Variants in ZFYVE1 observed in about 807,000 individuals in gnomAD.
ZFYVE1 encodes zinc finger FYVE-type containing 1.
Under a neutral mutation model 74.4 loss-of-function variants are expected in ZFYVE1, and 30 were observed. That is an observed-to-expected ratio of 0.40 (90% CI 0.30 to 0.55). The LOEUF is 0.55. Among genes scored for constraint, ZFYVE1 ranks in the 20% least tolerant of loss-of-function variants. The pLI, the probability that ZFYVE1 is intolerant of heterozygous loss-of-function variation, is 0.42. For missense variants in ZFYVE1, 703 were observed against 1,011.6 expected (o/e 0.69, Z 4.14); for synonymous variants, 335 against 385.1 (o/e 0.87, Z 1.52).
intron 4 of ZFYVE1, among the ~76,000 whole-genome samples, chr14:72,985,826 C>G (rs1267616287): frequency 6.6e-6 from 1 of 151,668 alleles, no homozygotes; most frequent in East Asian, 1.9e-4. Context: ...ACTATGTTGC[C>G]CAGGCTGGTC....
chr14:72,975,767 AAAGGAAGGAGGAAG>A lies in ZFYVE1; in HGVS notation c.1636-60_1636-47del, dbSNP rs1893153972. On this transcript the variant is annotated intron_variant, in intron 8 of 11. Transcript: ENST00000556143. This position sits in a 1 kb window ranked among gnomAD's most constrained non-coding sequence, Gnocchi z 4.1. ...TCCATCATGCTCTGAGAAGGGAGTG[AAAGGAAGGAGGAAG>A]AGGGATGTTTGGTGAGTTGCACACT... The A allele has an allele frequency of 6.3e-7, 1 of 1,599,306 alleles. No homozygotes were observed. Among genetic ancestry groups the A allele is most frequent in the Non-Finnish European group, 8.5e-7 (1 of 1,171,924 alleles).
At chr14:72,996,707 T>A (rs142634725) in intron 3 of ZFYVE1, among the ~76,000 whole-genome samples, 1 of 152,184 alleles carries the variant, frequency 6.6e-6, no homozygotes, top group East Asian at 1.9e-4. Context: ...AGGTGTAGTG[T>A]CCTTGCTCTG....
rs1893953805 is a variant in ZFYVE1 at position 73,005,222 on chromosome 14, C to T, written c.484-6907G>A. 2.6e-5 allele frequency among the ~76,000 whole-genome samples: 4 copies of T among 151,994 alleles called. 1 individual carries two copies. In the South Asian group the frequency reaches 8.3e-4, roughly 32 times the overall value. On this transcript the variant is annotated intron_variant, in intron 2 of 11. Transcript: ENST00000556143. ...AGCCTAGCCTAGGTGGTAGCAAGAC[C>T]GGTTTTCAGTCAGGGAGGGAAAGGC...
chr14:72,992,369 T>C (rs1042167090), intron 4 of ZFYVE1, among the ~76,000 whole-genome samples: 2 of 152,158 alleles, frequency 1.3e-5, no homozygotes, highest in African/African-American at 4.8e-5. Context: ...GGCCAGGTGT[T>C]AGGCCTGCTG....
chr14:73,024,365 C>T lies in ZFYVE1; in HGVS notation c.144G>A (p.Glu48=), dbSNP rs1355904135. 6.2e-7 allele frequency: 1 copy of T among 1,614,076 alleles called. No homozygotes were observed. Among genetic ancestry groups the T allele is most frequent in the Non-Finnish European group, 8.5e-7 (1 of 1,180,048 alleles). ...CSLQCLRCEE[E]LHRQERLRNH... is the part of the protein sequence containing the mutation. Reference sequence around the variant, plus strand: ...TTCTCAGGCGCTCCTGCCGATGGAGCTCCTCCTCGCAGCGGAGACACTGCA... The same window carrying T: ...TTCTCAGGCGCTCCTGCCGATGGAGTTCCTCCTCGCAGCGGAGACACTGCA... Residue 48 remains glutamate (E), a synonymous_variant, in exon 2 of 12, where the codon GAG becomes GAA. Transcript: ENST00000556143.
chr14:72,983,173 C>G (rs560012554), intron 4 of ZFYVE1, among the ~76,000 whole-genome samples: 2 of 151,682 alleles, frequency 1.3e-5, no homozygotes, highest in Non-Finnish European at 2.9e-5. Flanking sequence ...ATGCAAGGTT[C>G]CTTTTCCTGT....
chr14:72,995,827 C>G (rs1203842292), intron 3 of ZFYVE1, among the ~76,000 whole-genome samples: 1 of 152,198 alleles, frequency 6.6e-6, no homozygotes, highest in Non-Finnish European at 1.5e-5. Context: ...ATGGCCTACT[C>G]TGTGCACTTC....
In ZFYVE1 at chr14:72,993,227, C is replaced by T. The variant is rs746544756; in HGVS notation, c.1119G>A (p.Gly373=). 1 of 1,613,760 alleles carries T rather than the reference C, an allele frequency of 6.2e-7. No individual in the cohort carries two copies. Among genetic ancestry groups the T allele is most frequent in the East Asian group, 2.2e-5 (1 of 44,850 alleles). The change falls in exon 4 of 12, where the codon GGG becomes GGA. Residue 373 remains glycine (G), a synonymous_variant. Coordinates refer to ENST00000556143, the MANE Select transcript of ZFYVE1 (RefSeq NM_021260.4). ...RTYNPPTDFS[G]LRRALEQLLE... Reference sequence around the variant, plus strand: ...GTAGCTGCTCCAAAGCACGCCGAAGCCCAGAAAAGTCCGTGGGAGGGTTGT... The same window carrying T: ...GTAGCTGCTCCAAAGCACGCCGAAGTCCAGAAAAGTCCGTGGGAGGGTTGT...
chr14:72,975,300 C>T lies in ZFYVE1; in HGVS notation c.1806+251G>A. ...TCCTCACATATCTAAGCAATATTCA[C>T]TGGTCGTCACACACAAGGAAACTAA... is the stretch of plus-strand genomic sequence containing the variant. On this transcript the variant is annotated intron_variant, in intron 9 of 11. Coordinates refer to ENST00000556143, the MANE Select transcript of ZFYVE1 (RefSeq NM_021260.4). This position sits in a 1 kb window ranked among gnomAD's most constrained non-coding sequence, Gnocchi z 4.1. 1.8e-6 allele frequency: 1 copy of T among 552,038 alleles called. No individual in the cohort carries two copies. The allele number at this position is 552,038 out of a possible 1,614,324, so 34.2% of individuals were successfully genotyped here. A position where few individuals can be genotyped will look rare whatever the true frequency, so the allele number is the denominator to read the frequency against.
chr14:72,999,601 CT>C (rs1447500857), intron 2 of ZFYVE1, among the ~76,000 whole-genome samples: 2 of 151,818 alleles, frequency 1.3e-5, no homozygotes, highest in Non-Finnish European at 2.9e-5. Context: ...GAAAAGACAA[CT>C]TACAGAATGG....
intron 4 of ZFYVE1, among the ~76,000 whole-genome samples, chr14:72,990,761 A>C (rs1456194269): frequency 8.7e-6 from 1 of 115,206 alleles, no homozygotes; most frequent in African/African-American, 3.3e-5. Flanking sequence ...ACAGTGGCGC[A>C]CTGTACTCGG....
At chr14:73,004,454 G>A (rs1313531327) in intron 2 of ZFYVE1, among the ~76,000 whole-genome samples, 1 of 149,400 alleles carries the variant, frequency 6.7e-6, no homozygotes, top group African/African-American at 2.4e-5. Context: ...TCCACCAAAT[G>A]ATGTACTATA....
chr14:73,005,469 G>A (rs1452933828), intron 2 of ZFYVE1, among the ~76,000 whole-genome samples: 1 of 152,136 alleles, frequency 6.6e-6, no homozygotes, highest in African/African-American at 2.4e-5. Flanking sequence ...GCAAACGCAG[G>A]AGGGATACCA....
chr14:73,007,752 A>G (rs1894009108), intron 2 of ZFYVE1, among the ~76,000 whole-genome samples: 1 of 152,202 alleles, frequency 6.6e-6, no homozygotes. Context: ...TTAAAGTCCA[A>G]ATGATTAGAT....
intron 2 of ZFYVE1, among the ~76,000 whole-genome samples, chr14:73,008,241 C>T (rs1894020851): frequency 6.6e-6 from 1 of 152,220 alleles, no homozygotes. Context: ...CTCACCGCAA[C>T]CTCTGCCTCC....
rs757284265 is a variant in ZFYVE1 at position 72,980,530 on chromosome 14, T to TGAA, written c.1310+1258_1310+1259insTTC. Among the ~76,000 whole-genome samples, 9 of 95,758 alleles carry TGAA rather than the reference T, an allele frequency of 9.4e-5. No homozygotes were observed. In the East Asian group the frequency reaches 1.6e-3, roughly 17 times the overall value. 62.8% of individuals were successfully genotyped at this position (95,758 alleles called of 152,430 possible). ...CATGAACATCAGCATCACCTGAGAATTAATTAATTTATTTATTTATTTATT... is the reference window on the plus strand; with the variant it reads ...CATGAACATCAGCATCACCTGAGAATGAATAATTAATTTATTTATTTATTTATT... On this transcript the variant is annotated intron_variant, in intron 5 of 11. Coordinates refer to ENST00000556143, the MANE Select transcript of ZFYVE1 (RefSeq NM_021260.4).
chr14:73,011,660 C>G (rs916810736), intron 2 of ZFYVE1, among the ~76,000 whole-genome samples: 1 of 151,042 alleles, frequency 6.6e-6, no homozygotes, highest in African/African-American at 2.4e-5. Context: ...GCTGGGATTA[C>G]AGGCGCCTAC....
intron 2 of ZFYVE1, among the ~76,000 whole-genome samples, chr14:73,020,752 G>A (rs1001451423): frequency 6.6e-6 from 1 of 152,208 alleles, no homozygotes; most frequent in Non-Finnish European, 1.5e-5. Context: ...CAGGGTAGGA[G>A]AATCAATTAG....
At chr14:72,990,616 G>A (rs777291960) in intron 4 of ZFYVE1, among the ~76,000 whole-genome samples, 8 of 147,530 alleles carry the variant, frequency 5.4e-5, no homozygotes, top group African/African-American at 7.5e-5. Flanking sequence ...GGCTGGTCTC[G>A]AACTCCCAAC....
Sources: allele counts gnomAD v4.1 joint callset (sites outside exome capture counted in the v4.1 genomes callset), GRCh38; gene constraint gnomAD v4.1.1; non-coding constraint Gnocchi (gnomAD v3.1); transcripts MANE v1.5; gene names NCBI Gene and HGNC (gene_info 2026-07-23, HGNC 2026-07-21).